Variants in ALCAM observed in about 807,000 individuals in gnomAD.
ALCAM encodes activated leukocyte cell adhesion molecule.
In ALCAM, 30 loss-of-function variants were observed where a neutral mutation model predicts 70.9. That is an observed-to-expected ratio of 0.42 (90% CI 0.32 to 0.57). The LOEUF (loss-of-function observed/expected upper bound fraction) is 0.57, where lower values mean the gene tolerates loss of function less well. Ranked by LOEUF, ALCAM falls within the 20% of genes least tolerant of loss-of-function variation. The probability of loss-of-function intolerance (pLI) is 0.11; values close to 1 mark genes in which losing one functional copy is unlikely to be tolerated. For synonymous variants in ALCAM, 249 were observed against 242.5 expected (o/e 1.03, Z -0.25); for missense variants, 591 against 695.1 (o/e 0.85, Z 1.68).
chr3:105,450,978 G>A (rs73183188), intron 1 of ALCAM, among the ~76,000 whole-genome samples: 22,748 of 152,092 alleles, frequency 0.15, 1,809 homozygotes, highest in Middle Eastern at 0.19. Flanking sequence ...TTAGGATGGG[G>A]AAGAGAAAAA....
At chr3:105,510,695 T>C (rs935777347) in intron 1 of ALCAM, among the ~76,000 whole-genome samples, 13 of 152,062 alleles carry the variant, frequency 8.5e-5, no homozygotes, top group African/African-American at 3.1e-4. Flanking sequence ...GTCCTCATGT[T>C]CGAGTTCCTG....
chr3:105,367,365 G>A lies in ALCAM; in HGVS notation c.-44G>A. 4 of 1,606,326 alleles carry A rather than the reference G, an allele frequency of 2.5e-6. No homozygotes were observed. The highest frequency in any genetic ancestry group is 3.4e-6 in the Non-Finnish European group (4 of 1,174,486). The stretch of plus-strand genomic sequence containing the variant: ...GGGGCCCGGGACGACGCCCCCTCCT[G>A]CGGCGTGGACTCCGTCAGTGGCCCA... On this transcript the variant is annotated 5_prime_UTR_variant, in exon 1 of 16. Coordinates refer to ENST00000306107, the MANE Select transcript of ALCAM (RefSeq NM_001627.4).
At chr3:105,450,979 A>G (rs992743042) in intron 1 of ALCAM, among the ~76,000 whole-genome samples, 1 of 152,140 alleles carries the variant, frequency 6.6e-6, no homozygotes, top group Non-Finnish European at 1.5e-5. Context: ...TAGGATGGGG[A>G]AGAGAAAAAG....
intron 9 of ALCAM, among the ~76,000 whole-genome samples, chr3:105,546,104 AG>A (rs1324820007): frequency 1.3e-5 from 2 of 151,342 alleles, no homozygotes; most frequent in Admixed American, 1.3e-4. Flanking sequence ...CCAAAGGAAA[AG>A]GTTGTGATTG....
chr3:105,431,599 G>A (rs1244229226), intron 1 of ALCAM, among the ~76,000 whole-genome samples: 1 of 152,098 alleles, frequency 6.6e-6, no homozygotes, highest in Non-Finnish European at 1.5e-5. Flanking sequence ...TAACTCCGTG[G>A]TGCCAGAAAC....
rs762147754 is a variant in ALCAM at position 105,575,115 on chromosome 3, A to G, written c.*664A>G. The stretch of plus-strand genomic sequence containing the variant: ...ATCACAGATGCATATAGACACACAT[A>G]CATAATGGTACTCCCAAACTGACAA... On this transcript the variant is annotated 3_prime_UTR_variant, in exon 16 of 16. Coordinates refer to ENST00000306107, the MANE Select transcript of ALCAM (RefSeq NM_001627.4). 10 of 152,728 alleles carry G rather than the reference A, an allele frequency of 6.5e-5. No homozygotes were observed. The East Asian group carries it at 1.9e-3, about 29-fold the overall frequency. 9.5% of individuals were successfully genotyped at this position (152,728 alleles called of 1,614,324 possible). A position where few individuals can be genotyped will look rare whatever the true frequency, so the allele number is the denominator to read the frequency against.
intron 1 of ALCAM, among the ~76,000 whole-genome samples, chr3:105,448,777 C>T (rs922290753): frequency 2.6e-5 from 4 of 152,140 alleles, no homozygotes; most frequent in Admixed American, 1.3e-4. Context: ...GCAGGGAACT[C>T]GCCTATGGAC....
At chr3:105,431,352 G>C (rs974737633) in intron 1 of ALCAM, among the ~76,000 whole-genome samples, 1 of 152,074 alleles carries the variant, frequency 6.6e-6, no homozygotes, top group Admixed American at 6.6e-5. Context: ...GTGGTCACAG[G>C]GGGAGTCATC....
At chr3:105,547,814 T>G (rs1940289588) in intron 11 of ALCAM, among the ~76,000 whole-genome samples, 1 of 151,496 alleles carries the variant, frequency 6.6e-6, no homozygotes, top group South Asian at 2.1e-4. Context: ...AATTAGGTAT[T>G]ACTTCATGAT....
intron 12 of ALCAM, 80 bp from the exon 13 acceptor site, chr3:105,552,064 A>G (rs762142141): frequency 3.0e-5 from 30 of 1,006,434 alleles, no homozygotes; most frequent in Non-Finnish European, 3.3e-5. Flanking sequence ...GTATTATTAC[A>G]TCATACTATA....
At chr3:105,370,690 A>G (rs1420109897) in intron 1 of ALCAM, among the ~76,000 whole-genome samples, 2 of 151,958 alleles carry the variant, frequency 1.3e-5, no homozygotes, top group Non-Finnish European at 2.9e-5. Context: ...TTAAAAATTC[A>G]TGATAACATC....
chr3:105,387,654 A>G (rs1935693164), intron 1 of ALCAM, among the ~76,000 whole-genome samples: 1 of 151,600 alleles, frequency 6.6e-6, no homozygotes, highest in African/African-American at 2.4e-5. Flanking sequence ...GGTTACCAGG[A>G]TCATTGTCAA....
intron 1 of ALCAM, among the ~76,000 whole-genome samples, chr3:105,463,800 T>C (rs1230615162): frequency 6.6e-6 from 1 of 151,528 alleles, no homozygotes; most frequent in East Asian, 1.9e-4. Flanking sequence ...TTTGGAAATC[T>C]GGGAGATTTT....
chr3:105,451,848 T>A (rs1937436494), intron 1 of ALCAM, among the ~76,000 whole-genome samples: 1 of 152,180 alleles, frequency 6.6e-6, no homozygotes, highest in South Asian at 2.1e-4. Flanking sequence ...ATTTAAAAGC[T>A]TTTAGGACAC....
intron 1 of ALCAM, among the ~76,000 whole-genome samples, chr3:105,406,622 A>G (rs1380592071): frequency 6.6e-6 from 1 of 152,188 alleles, no homozygotes; most frequent in African/African-American, 2.4e-5. Flanking sequence ...ATCTAAAGTC[A>G]CACCTTATGG....
chr3:105,488,462 T>C (rs1267181057), intron 1 of ALCAM, among the ~76,000 whole-genome samples: 1 of 152,128 alleles, frequency 6.6e-6, no homozygotes, highest in African/African-American at 2.4e-5. Context: ...AAGGTGGAAC[T>C]GTGAGGTACA....
At chr3:105,503,555 TC>T (rs1415873411) in intron 1 of ALCAM, among the ~76,000 whole-genome samples, 1 of 148,260 alleles carries the variant, frequency 6.7e-6, no homozygotes, top group East Asian at 2.0e-4. Flanking sequence ...CTTCCCCGAG[TC>T]CCTTCTCCAG....
intron 1 of ALCAM, among the ~76,000 whole-genome samples, chr3:105,442,281 A>G (rs1249793277): frequency 6.6e-6 from 1 of 152,184 alleles, no homozygotes. Flanking sequence ...TAAACATAAT[A>G]TGGGCTCAAG....
chr3:105,410,554 T>G (rs760784121), intron 1 of ALCAM, among the ~76,000 whole-genome samples: 14 of 152,040 alleles, frequency 9.2e-5, no homozygotes, highest in Non-Finnish European at 1.9e-4. Flanking sequence ...TACCACCGTA[T>G]TGTCTGTATC....
Sources: gnomAD v4.1 joint callset for allele counts (sites outside exome capture counted in the v4.1 genomes callset) on GRCh38, gnomAD v4.1.1 for gene constraint, MANE v1.5 for transcripts, NCBI Gene and HGNC (gene_info 2026-07-23, HGNC 2026-07-21) for gene names.